DAPK2: variants seen among roughly 807,000 people sequenced by gnomAD.
DAPK2 encodes death associated protein kinase 2.
DAPK2 carries 35 observed loss-of-function variants against 44.1 expected under a neutral mutation model. The observed-to-expected ratio is 0.79, with a 90% CI of 0.61 to 1.05. The LOEUF (loss-of-function observed/expected upper bound fraction) is 1.05, where lower values mean the gene tolerates loss of function less well. Ranked by LOEUF, DAPK2 falls within the 50% of genes least tolerant of loss-of-function variation. DAPK2 has a pLI of 0.00. For missense variants in DAPK2, 453 were observed against 483.2 expected, an observed-to-expected ratio of 0.94 and a Z score of 0.59; for synonymous variants, 174 against 182.6, an observed-to-expected ratio of 0.95 and a Z score of 0.38.
intron 2 of DAPK2, 119 bp from the exon 4 acceptor site, chr15:63,971,680 T>TC: frequency 9.2e-7 from 1 of 1,084,728 alleles, no homozygotes; most frequent in African/African-American, 1.6e-5. Context: ...TATGGCAGAA[T>TC]CCCCCTGGCT....
intron 2 of DAPK2, among the ~76,000 whole-genome samples, chr15:63,972,458 A>G (rs1250533489): frequency 6.6e-6 from 1 of 152,238 alleles, no homozygotes; most frequent in African/African-American, 2.4e-5. Context: ...CTAAGTGGCC[A>G]TCAACAAAAT....
chr15:64,002,968 T>TGTGTGTGTGG (rs1567266576), intron 1 of DAPK2, among the ~76,000 whole-genome samples: 1 of 39,008 alleles, frequency 2.6e-5, no homozygotes, highest in Non-Finnish European at 5.3e-5. Flanking sequence ...GTGTGTGTCG[T>TGTGTGTGTGG]GGGACCTGTG....
rs2079143443 is a variant in DAPK2, at chr15:63,923,376, T to C, written c.858+1440A>G. The C allele has an allele frequency of 6.6e-7, 1 of 1,522,726 alleles. No homozygotes were observed. The highest frequency in any genetic ancestry group is 1.2e-5 in the South Asian group (1 of 82,722). 94.3% of individuals were successfully genotyped at this position (1,522,726 alleles called of 1,614,324 possible). ...GTGTTCAGACAGAAGAATCAGAGTGTTAATTTGCCGCCCACCCCAGAGGGC... is the reference window on the plus strand; with the variant it reads ...GTGTTCAGACAGAAGAATCAGAGTGCTAATTTGCCGCCCACCCCAGAGGGC... On this transcript the variant is annotated intron_variant, in intron 8 of 10. Coordinates refer to ENST00000261891, the Ensembl canonical transcript of DAPK2. The surrounding 1 kb of genome is among the most constrained non-coding windows in gnomAD (Gnocchi z 4.2).
chr15:63,983,908 G>A (rs2078601291), intron 1 of DAPK2, among the ~76,000 whole-genome samples, 154 bp from the exon 3 acceptor site: 1 of 152,200 alleles, frequency 6.6e-6, no homozygotes. Flanking sequence ...ATGACAACCT[G>A]TGGATGAGAT....
chr15:64,008,193 T>C (rs911311113), intron 1 of DAPK2, among the ~76,000 whole-genome samples: 1 of 121,592 alleles, frequency 8.2e-6, no homozygotes, highest in African/African-American at 3.6e-5. Flanking sequence ...AATGGGTGAA[T>C]TGTATATAAA....
intron 1 of DAPK2, chr15:63,991,234 C>A (rs1250371285): frequency 6.6e-6 from 3 of 456,102 alleles, no homozygotes; most frequent in Non-Finnish European, 1.3e-5. Context: ...TTACCAAAGC[C>A]AGGTGGGCAG....
intron 1 of DAPK2, among the ~76,000 whole-genome samples, chr15:64,027,031 C>G (rs1001906422): frequency 2.6e-5 from 4 of 152,028 alleles, no homozygotes; most frequent in African/African-American, 9.6e-5. Flanking sequence ...ATCACTTGAG[C>G]CCAGGAGTTC....
At position 63,939,535 on chromosome 15, in the gene DAPK2, T is replaced by C. The variant is rs1312160745; in HGVS notation, c.454-174A>G. ...TCCTTGTTTTTGGTCCTCAGTCTTC[T>C]CTGTGAACCCAAAGACAGGTAAAGC... On this transcript the variant is annotated intron_variant, in intron 3 of 10. Transcript: ENST00000261891. The surrounding 1 kb of genome is among the most constrained non-coding windows in gnomAD (Gnocchi z 4.3). Among the ~76,000 whole-genome samples the C allele has an allele frequency of 6.6e-6, 1 of 152,208 alleles. No homozygotes were observed. Among genetic ancestry groups the C allele is most frequent in the Non-Finnish European group, 1.5e-5 (1 of 68,018 alleles).
At chr15:63,921,931 T>G (rs908964771) in intron 8 of DAPK2, 6 of 152,134 alleles carry the variant, frequency 3.9e-5, no homozygotes, top group African/African-American at 1.4e-4. Flanking sequence ...GTGTATGCAT[T>G]CCACCTACAC....
At chr15:64,035,918 T>C (rs189813408) in intron 1 of DAPK2, among the ~76,000 whole-genome samples, 37 of 152,254 alleles carry the variant, frequency 2.4e-4, no homozygotes, top group Admixed American at 4.6e-4. Context: ...CCAAAGCTTT[T>C]CCTACAGAGA....
intron 8 of DAPK2, chr15:63,919,186 T>C (rs1047991757): frequency 4.6e-5 from 7 of 152,172 alleles, no homozygotes; most frequent in African/African-American, 1.7e-4. Flanking sequence ...CTTGGGGGCA[T>C]TTCTCAACTC....
intron 1 of DAPK2, among the ~76,000 whole-genome samples, chr15:64,005,168 C>T (rs74021225): frequency 0.041 from 6,193 of 152,024 alleles, 428 homozygotes; most frequent in African/African-American, 0.14. Flanking sequence ...TCTGAGTGAA[C>T]CCAATACCCA....
intron 1 of DAPK2, among the ~76,000 whole-genome samples, chr15:64,004,714 G>A (rs1040794506): frequency 1.4e-4 from 22 of 152,202 alleles, no homozygotes; most frequent in African/African-American, 4.8e-4. Context: ...GTTTGGCAGC[G>A]GGCTTTCGCA....
chr15:63,987,835 G>A (rs1426047459), intron 1 of DAPK2, among the ~76,000 whole-genome samples: 1 of 152,162 alleles, frequency 6.6e-6, no homozygotes, highest in African/African-American at 2.4e-5. Flanking sequence ...CAGGACCCTG[G>A]GCAGCCTGTT....
rs368318724 is a variant in DAPK2 at position 63,953,194 on chromosome 15, T to C, written c.454-13833A>G. Among the ~76,000 whole-genome samples the C allele has an allele frequency of 1.0e-4, 15 of 144,268 alleles. No individual in the cohort carries two copies. In the South Asian group the frequency reaches 1.2e-3, roughly 12 times the overall value. The allele number at this position is 144,268 out of a possible 152,430, so 94.6% of individuals were successfully genotyped here. A position where few individuals can be genotyped will look rare whatever the true frequency, so the allele number is the denominator to read the frequency against. On this transcript the variant is annotated intron_variant, in intron 3 of 10. Transcript: ENST00000261891. ...TCATTCTTGTGCCTTTGCAACCTCA[T>C]AGCTTAGCTTCCACTTATGAGTGAG... is the stretch of plus-strand genomic sequence containing the variant.
intron 1 of DAPK2, among the ~76,000 whole-genome samples, chr15:64,002,973 C>CGTGTGTGTGTGTGTGT (rs1567266632): frequency 2.0e-4 from 15 of 75,518 alleles, no homozygotes; most frequent in African/African-American, 7.8e-4. Context: ...TGTCGTGGGA[C>CGTGTGTGTGTGTGTGT]CTGTGTGTGT....
chr15:63,976,745 G>A (rs1385056717), intron 2 of DAPK2, among the ~76,000 whole-genome samples: 1 of 152,192 alleles, frequency 6.6e-6, no homozygotes, highest in African/African-American at 2.4e-5. Flanking sequence ...TGTGCTGTAA[G>A]TATAAAATTC....
intron 3 of DAPK2, among the ~76,000 whole-genome samples, chr15:63,970,184 G>C (rs1369022832): frequency 6.6e-6 from 1 of 152,156 alleles, no homozygotes. Flanking sequence ...CTGCTCACCT[G>C]AACCCTTATC....
chr15:63,929,268 G>T (rs1482456766), intron 6 of DAPK2, among the ~76,000 whole-genome samples: 1 of 151,970 alleles, frequency 6.6e-6, no homozygotes, highest in Non-Finnish European at 1.5e-5. Context: ...GGGGGAGGGT[G>T]AGCAGGGGAG....
Sources: allele counts gnomAD v4.1 joint callset (sites outside exome capture counted in the v4.1 genomes callset), GRCh38; gene constraint gnomAD v4.1.1; non-coding constraint Gnocchi (gnomAD v3.1); transcripts MANE v1.5; gene names NCBI Gene and HGNC (gene_info 2026-07-23, HGNC 2026-07-21).